The following KIF13B variants were observed in gnomAD, a reference collection of about 807,000 sequenced individuals.
The protein encoded by KIF13B is kinesin family member 13B, also known as kinesin-like protein KIF13B.
KIF13B carries 127 observed loss-of-function variants against 222.0 expected under a neutral mutation model. That is an observed-to-expected ratio of 0.57 (90% CI 0.50 to 0.66). The LOEUF is 0.66. KIF13B is among the 30% of genes least tolerant of loss of function. The pLI, the probability that KIF13B is intolerant of heterozygous loss-of-function variation, is 0.00. For missense variants in KIF13B, 2,173 were observed against 2,379.0 expected, an observed-to-expected ratio of 0.91 and a Z score of 1.80; for synonymous variants, 976 against 919.0, an observed-to-expected ratio of 1.06 and a Z score of -1.12.
At chr8:29,129,095 T>C (rs1287084644) in intron 24 of KIF13B, among the ~76,000 whole-genome samples, 3 of 152,088 alleles carry the variant, frequency 2.0e-5, no homozygotes, top group South Asian at 4.1e-4. Context: ...ATAAGAAAAA[T>C]CCTTTCAGAA....
At chr8:29,215,432 A>G (rs1814432790) in intron 2 of KIF13B, among the ~76,000 whole-genome samples, 1 of 152,168 alleles carries the variant, frequency 6.6e-6, no homozygotes, top group Admixed American at 6.5e-5. Flanking sequence ...TCACAACTAT[A>G]ATGCCAGCAC....
At chr8:29,117,148 G>A (rs905719104) in intron 30 of KIF13B, 141 bp from the exon 31 acceptor site, 11 of 612,290 alleles carry the variant, frequency 1.8e-5, no homozygotes, top group Non-Finnish European at 2.7e-5. Context: ...GCCCTGAAAA[G>A]ACAATGGAGT....
At chr8:29,239,664 T>C (rs993577851) in intron 2 of KIF13B, among the ~76,000 whole-genome samples, 6 of 152,116 alleles carry the variant, frequency 3.9e-5, no homozygotes, top group African/African-American at 1.4e-4. Flanking sequence ...TTTTTGTTTG[T>C]TTGCTTGTTT....
At chr8:29,233,467 T>A (rs1348183728) in intron 2 of KIF13B, among the ~76,000 whole-genome samples, 1 of 152,240 alleles carries the variant, frequency 6.6e-6, no homozygotes, top group African/African-American at 2.4e-5. Flanking sequence ...CACATTTACG[T>A]GACATTGCTT....
In KIF13B at chr8:29,155,839, C is replaced by A; in HGVS notation, c.1422G>T (p.Gly474=). The change falls in exon 14 of 40, where the codon GGG becomes GGT. Residue 474 remains glycine (G), a synonymous_variant. Coordinates refer to ENST00000524189, the MANE Select transcript of KIF13B (RefSeq NM_015254.4). ...GTTGGATATCTTGGGAATTTGCTGA[C>A]CCTATCAATGTATGTTCCTAAGAAA... ...VYYLKEHTLI[G]SANSQDIQLC... is the part of the protein sequence containing the mutation. 6.3e-7 allele frequency: 1 copy of A among 1,578,958 alleles called. No homozygotes were observed. The highest frequency in any genetic ancestry group is 1.2e-5 in the South Asian group (1 of 86,564).
At chr8:29,121,817 G>A (rs1448924444) in intron 29 of KIF13B, among the ~76,000 whole-genome samples, 1 of 151,344 alleles carries the variant, frequency 6.6e-6, no homozygotes, top group Non-Finnish European at 1.5e-5. Context: ...TTTTAAACAG[G>A]TAATACAGGG....
intron 2 of KIF13B, among the ~76,000 whole-genome samples, chr8:29,206,066 G>T (rs1445626023): frequency 6.6e-6 from 1 of 151,984 alleles, no homozygotes; most frequent in Non-Finnish European, 1.5e-5. Context: ...ACTCTAGTCG[G>T]GATAACAGAG....
chr8:29,090,785 C>T (rs574650620), intron 37 of KIF13B, among the ~76,000 whole-genome samples: 1 of 152,230 alleles, frequency 6.6e-6, no homozygotes, highest in African/African-American at 2.4e-5. Flanking sequence ...TCTTGGCTCA[C>T]TGCAACCTCT....
At chr8:29,102,030 T>C (rs769300034) in intron 35 of KIF13B, among the ~76,000 whole-genome samples, 9 of 151,830 alleles carry the variant, frequency 5.9e-5, no homozygotes, top group Non-Finnish European at 8.8e-5. Flanking sequence ...TCCCAATATG[T>C]TGTATATGCT....
intron 19 of KIF13B, 151 bp downstream of exon 19, chr8:29,142,006 T>G (rs944708703): frequency 1.9e-5 from 10 of 526,522 alleles, no homozygotes; most frequent in African/African-American, 1.7e-4. Context: ...GTTAATTTGC[T>G]AAACAATTTA....
In KIF13B at chr8:29,146,552, T is replaced by C. The variant is rs1294582208; in HGVS notation, c.2025-12A>G. On this transcript the variant is annotated splice_polypyrimidine_tract_variant and intron_variant, in intron 17 of 39. Coordinates refer to ENST00000524189, the MANE Select transcript of KIF13B (RefSeq NM_015254.4). ...TCAACGTTGCTTCTCTAAAAAAAAA[T>C]AAAGAAGCGGCAGAGGTAGGGAAGA... 2 of 1,608,084 alleles carry C rather than the reference T, an allele frequency of 1.2e-6. No individual in the cohort carries two copies. The highest frequency in any genetic ancestry group is 1.1e-5 in the South Asian group (1 of 90,386).
chr8:29,222,232 C>T (rs1814786443), intron 2 of KIF13B, among the ~76,000 whole-genome samples: 1 of 151,998 alleles, frequency 6.6e-6, no homozygotes, highest in African/African-American at 2.4e-5. Flanking sequence ...GTGCCTGTAG[C>T]TCCAGCTACT....
At chr8:29,197,207 G>A (rs1011929722) in intron 2 of KIF13B, among the ~76,000 whole-genome samples, 4 of 150,082 alleles carry the variant, frequency 2.7e-5, no homozygotes, top group African/African-American at 9.8e-5. Flanking sequence ...CGTAGTGGCG[G>A]GCGCCTGTAG....
intron 2 of KIF13B, among the ~76,000 whole-genome samples, chr8:29,203,766 T>C (rs1464055787): frequency 1.3e-5 from 2 of 151,776 alleles, no homozygotes; most frequent in Admixed American, 6.6e-5. Context: ...TTGTGGTGCA[T>C]GCCTGTAATC....
chr8:29,228,330 G>T (rs550005526), intron 2 of KIF13B, among the ~76,000 whole-genome samples: 191 of 151,542 alleles, frequency 1.3e-3, no homozygotes, highest in Admixed American at 3.0e-3. Flanking sequence ...AGCCGGACAT[G>T]GTGGCGGGCG....
At chr8:29,122,190 G>A (rs562757092) in intron 29 of KIF13B, among the ~76,000 whole-genome samples, 1 of 151,882 alleles carries the variant, frequency 6.6e-6, no homozygotes, top group South Asian at 2.1e-4. Context: ...GGAGGTGGAG[G>A]TTGCAGTGAG....
At chr8:29,222,686 G>A (rs1263751566) in intron 2 of KIF13B, among the ~76,000 whole-genome samples, 9 of 151,846 alleles carry the variant, frequency 5.9e-5, no homozygotes, top group Admixed American at 5.2e-4. Context: ...AAAGAGTTGT[G>A]ATTCAGATCA....
chr8:29,174,187 C>T (rs748767507), intron 10 of KIF13B, among the ~76,000 whole-genome samples: 4 of 151,676 alleles, frequency 2.6e-5, no homozygotes, highest in Non-Finnish European at 5.9e-5. Context: ...AGTCCTTAGA[C>T]TGCCCATTTG....
chr8:29,166,118 C>A (rs546469934), intron 11 of KIF13B, among the ~76,000 whole-genome samples: 70 of 152,270 alleles, frequency 4.6e-4, no homozygotes, highest in African/African-American at 1.7e-3. Context: ...TTCATTCTAG[C>A]CCTTATTGAT....
Sources: allele counts gnomAD v4.1 joint callset (sites outside exome capture counted in the v4.1 genomes callset), GRCh38; gene constraint gnomAD v4.1.1; transcripts MANE v1.5; gene names NCBI Gene and HGNC (gene_info 2026-07-23, HGNC 2026-07-21).